Variants in ESPNL observed in about 807,000 individuals in gnomAD.
ESPNL encodes espin like.
Under a neutral mutation model 46.8 loss-of-function variants are expected in ESPNL, and 49 were observed. That is an observed-to-expected ratio of 1.05 (90% CI 0.83 to 1.33). The LOEUF is 1.33. ESPNL is among the 40% of genes most tolerant of loss of function. ESPNL has a pLI of 0.00. For synonymous variants in ESPNL, 664 were observed against 662.1 expected (o/e 1.00, Z -0.04); for missense variants, 1,540 against 1,436.6 (o/e 1.07, Z -1.16).
In ESPNL at chr2:238,100,445, C is replaced by T; in HGVS notation, c.26C>T (p.Ala9Val). ...ATGGAGAAGCAGCGGGCACTCGTGG[C>T]CGCCAAGGATGGGGATGTGGCGACG... is the stretch of plus-strand genomic sequence containing the variant. MEKQRALV[A>V]AKDGDVATLE... The change falls in exon 1 of 9, where the codon GCC becomes GTC. Residue 9 changes from alanine to valine, a missense_variant. Physicochemically the swap from Ala to Val is moderately conservative, Grantham distance 64 (BLOSUM62 0). Transcript: ENST00000343063. The T allele has an allele frequency of 1.2e-6, 2 of 1,603,726 alleles. No individual in the cohort carries two copies. Among genetic ancestry groups the T allele is most frequent in the Non-Finnish European group, 1.7e-6 (2 of 1,177,430 alleles).
rs187298009 is a variant in ESPNL at position 238,125,723 on chromosome 2, G to A, written c.1102+339G>A. 2.3e-3 allele frequency among the ~76,000 whole-genome samples: 344 copies of A among 152,332 alleles called. 2 individuals carry two copies. Among genetic ancestry groups the A allele is most frequent in the Admixed American group, 4.5e-3 (69 of 15,302 alleles). ...GCATGGGCTAGCAGGGCAAGCAACA[G>A]TCCTCACGCTGTGGGCCACCACCAT... is the stretch of plus-strand genomic sequence containing the variant. On this transcript the variant is annotated intron_variant, in intron 6 of 8. Transcript: ENST00000343063.
At chr2:238,103,434 AAAG>A (rs148045033) in intron 2 of ESPNL, among the ~76,000 whole-genome samples, 1 of 149,568 alleles carries the variant, frequency 6.7e-6, no homozygotes, top group African/African-American at 2.5e-5. Context: ...GTCTCAAAAA[AAAG>A]AAGAAAACCA....
At chr2:238,110,583 A>C (rs1691694242) in intron 4 of ESPNL, among the ~76,000 whole-genome samples, 1 of 115,056 alleles carries the variant, frequency 8.7e-6, no homozygotes, top group African/African-American at 3.1e-5. Context: ...AGGGTGCCAT[A>C]TGTTACCGAG....
At chr2:238,118,259 AGGAATGGATGGT>A (rs1327807633) in intron 5 of ESPNL, among the ~76,000 whole-genome samples, 48 of 115,972 alleles carry the variant, frequency 4.1e-4, no homozygotes, top group East Asian at 1.5e-3. Context: ...GAATGGATGG[AGGAATGGATGGT>A]GGAGGGTGGA....
Position 238,107,821 on chromosome 2 carries a change from C to G in ESPNL, c.703C>G (p.Arg235Gly), listed in dbSNP as rs776414753. ...ATTCACCGACATCGGACTCACGGCA[C>G]GGGACAATGAGGGGGCCACGGCCCT... ...VTFTDIGLTA[R>G]DNEGATALHF... Residue 235 changes from arginine (R) to glycine (G), a missense_variant, in exon 4 of 9, where the codon CGG becomes GGG. Coordinates refer to ENST00000343063, the MANE Select transcript of ESPNL (RefSeq NM_194312.4). The G allele has an allele frequency of 3.1e-6, 5 of 1,603,288 alleles. No homozygotes were observed. The highest frequency in any genetic ancestry group is 1.1e-5 in the South Asian group (1 of 89,492).
Position 238,130,988 on chromosome 2 carries a change from C to G in ESPNL, c.2274C>G (p.Leu758=). 6.5e-7 allele frequency: 1 copy of G among 1,547,648 alleles called. No homozygotes were observed. The highest frequency in any genetic ancestry group is 8.7e-7 in the Non-Finnish European group (1 of 1,146,896). The change falls in exon 9 of 9, where the codon CTC becomes CTG. Residue 758 remains leucine (L), a synonymous_variant. Transcript: ENST00000343063. ...HWRRSAYTPA[L]KTVACRTLGA... Reference sequence around the variant, plus strand: ...GGAGATCGGCCTACACGCCGGCCCTCAAGACAGTGGCCTGCAGGACCCTAG... The same window carrying G: ...GGAGATCGGCCTACACGCCGGCCCTGAAGACAGTGGCCTGCAGGACCCTAG...
Position 238,130,671 on chromosome 2 carries a change from C to A in ESPNL, c.1957C>A (p.Arg653=). Residue 653 remains arginine (R), a synonymous_variant, in exon 9 of 9, where the codon CGG becomes AGG. Transcript: ENST00000343063. ...RQIQEWGVSV[R]TLRGNFESAS... ...GATCCAGGAGTGGGGGGTGTCTGTGCGGACGCTGCGGGGCAACTTCGAGTC... is the reference window on the plus strand; with the variant it reads ...GATCCAGGAGTGGGGGGTGTCTGTGAGGACGCTGCGGGGCAACTTCGAGTC... 1 of 1,561,034 alleles carries A rather than the reference C, an allele frequency of 6.4e-7. No homozygotes were observed. The highest frequency in any genetic ancestry group is 8.7e-7 in the Non-Finnish European group (1 of 1,153,396).
intron 4 of ESPNL, among the ~76,000 whole-genome samples, chr2:238,115,929 C>T (rs1336661577): frequency 2.0e-5 from 3 of 152,210 alleles, no homozygotes; most frequent in Non-Finnish European, 4.4e-5. Flanking sequence ...GCCTTGGCCT[C>T]CTCAAGTGCT....
intron 4 of ESPNL, among the ~76,000 whole-genome samples, chr2:238,109,610 G>A (rs1277970794): frequency 6.6e-6 from 1 of 152,236 alleles, no homozygotes; most frequent in African/African-American, 2.4e-5. Context: ...TCCCACCTCA[G>A]CCTTCCAAAG....
At chr2:238,126,983 GTCTATC>G (rs145136597) in intron 6 of ESPNL, among the ~76,000 whole-genome samples, 1 of 148,086 alleles carries the variant, frequency 6.8e-6, no homozygotes, top group Non-Finnish European at 1.5e-5. Context: ...GTGTGATTGT[GTCTATC>G]TGTGTGTGAT....
intron 3 of ESPNL, among the ~76,000 whole-genome samples, chr2:238,107,074 C>T (rs963040819): frequency 1.3e-5 from 2 of 152,222 alleles, no homozygotes; most frequent in East Asian, 3.8e-4. Context: ...AGCCAGCACG[C>T]CCATCACCCG....
At position 238,131,574 on chromosome 2, in the gene ESPNL, G is replaced by A. The variant is rs761204896; in HGVS notation, c.2860G>A (p.Ala954Thr). Residue 954 changes from alanine to threonine, a missense_variant, in exon 9 of 9, where the codon GCC becomes ACC. Transcript: ENST00000343063. ...GACCCTGCTCGGGCCCCTGCCTCACGCCGCCGTCCCCTGCAGCGGCCCTGA... is the reference window on the plus strand; with the variant it reads ...GACCCTGCTCGGGCCCCTGCCTCACACCGCCGTCCCCTGCAGCGGCCCTGA... Reference protein sequence around the residue: ...GLTLLGPLPHAAVPCSGPEPT... With the variant: ...GLTLLGPLPHTAVPCSGPEPT... 7.6e-5 allele frequency: 122 copies of A among 1,610,956 alleles called. 1 individual carries two copies. In the South Asian group the frequency reaches 9.5e-4, roughly 12 times the overall value.
intron 2 of ESPNL, among the ~76,000 whole-genome samples, chr2:238,102,964 TCGGGTTCTCATTCC>T (rs1279604758): frequency 6.6e-6 from 1 of 152,218 alleles, no homozygotes; most frequent in Non-Finnish European, 1.5e-5. Flanking sequence ...GCTTGTGGAA[TCGGGTTCTCATTCC>T]CGGGTGTTCC....
In ESPNL at chr2:238,131,831, G is replaced by A; in HGVS notation, c.*99G>A. ...CACCCTTGGTGTTCAGGTGAGCCGG[G>A]CAAGGCTGCCTCCAGTCCTACCAGT... On this transcript the variant is annotated 3_prime_UTR_variant, in exon 9 of 9. Coordinates refer to ENST00000343063, the MANE Select transcript of ESPNL (RefSeq NM_194312.4). The A allele has an allele frequency of 7.4e-7, 1 of 1,352,524 alleles. No homozygotes were observed. Among genetic ancestry groups the A allele is most frequent in the Non-Finnish European group, 1.0e-6 (1 of 985,126 alleles). The allele number at this position is 1,352,524 out of a possible 1,614,324, so 83.8% of individuals were successfully genotyped here.
At position 238,128,809 on chromosome 2, in the gene ESPNL, G is replaced by C; in HGVS notation, c.1318G>C (p.Asp440His). 1.3e-6 allele frequency: 2 copies of C among 1,554,870 alleles called. No homozygotes were observed. The highest frequency in any genetic ancestry group is 1.7e-6 in the Non-Finnish European group (2 of 1,150,016). Reference protein sequence around the residue: ...GDIDGLVPTRDERGQPIPEWK... With the variant: ...GDIDGLVPTRHERGQPIPEWK... ...CATCGACGGGCTGGTGCCCACGCGG[G>C]ATGAGCGCGGCCAGCCCATCCCAGA... Residue 440 changes from aspartate (D) to histidine (H), a missense_variant, in exon 8 of 9, where the codon GAT becomes CAT. Physicochemically the swap from Asp to His is moderately conservative, Grantham distance 81. Coordinates refer to ENST00000343063, the MANE Select transcript of ESPNL (RefSeq NM_194312.4).
In ESPNL at chr2:238,130,602, A is replaced by G. The variant is rs1692289747; in HGVS notation, c.1888A>G (p.Arg630Gly). 6.4e-7 allele frequency: 1 copy of G among 1,567,538 alleles called. No homozygotes were observed. Among genetic ancestry groups the G allele is most frequent in the East Asian group, 2.3e-5 (1 of 42,634 alleles). ...CACCCGGCCCCTGCAGGACACCTGC[A>G]GGGAGGCCTCGGCCAGCCCCCCTCG... ...PSTRPLQDTC[R>G]EASASPPRSE... The change falls in exon 9 of 9, where the codon AGG (arginine) becomes GGG (glycine). Residue 630 changes from arginine to glycine, a missense_variant. Coordinates refer to ENST00000343063, the MANE Select transcript of ESPNL (RefSeq NM_194312.4).
chr2:238,125,503 A>C, intron 6 of ESPNL, 119 bp downstream of exon 6: 1 of 487,044 alleles, frequency 2.1e-6, no homozygotes, highest in Non-Finnish European at 3.6e-6. Flanking sequence ...GCACCCCATC[A>C]CCCTCCCTCC....
intron 5 of ESPNL, among the ~76,000 whole-genome samples, chr2:238,122,278 C>T (rs773572966): frequency 1.8e-4 from 28 of 152,218 alleles, no homozygotes; most frequent in Non-Finnish European, 2.4e-4. Context: ...CTCCCGTTGC[C>T]GGAGAAACGC....
chr2:238,122,579 GCCCCAGACTAACT>G (rs944714923), intron 5 of ESPNL, among the ~76,000 whole-genome samples: 26 of 152,302 alleles, frequency 1.7e-4, no homozygotes, highest in Admixed American at 1.3e-3. Flanking sequence ...AGTCCCCTGA[GCCCCAGACTAACT>G]TCCACCTCTT....
Sources: gnomAD v4.1 joint callset for allele counts (sites outside exome capture counted in the v4.1 genomes callset) on GRCh38, gnomAD v4.1.1 for gene constraint, MANE v1.5 for transcripts, NCBI Gene and HGNC (gene_info 2026-07-23, HGNC 2026-07-21) for gene names.